The following DOCK1 variants were observed in gnomAD, a reference collection of about 807,000 sequenced individuals.
DOCK1 encodes the protein dedicator of cytokinesis 1.
DOCK1 carries 138 observed loss-of-function variants against 262.7 expected under a neutral mutation model. The ratio of observed to expected loss-of-function variants is 0.53; its 90% CI spans 0.46 to 0.61. The LOEUF (loss-of-function observed/expected upper bound fraction) is 0.61, where lower values mean the gene tolerates loss of function less well. DOCK1 is among the 20% of genes least tolerant of loss of function. The pLI, the probability that DOCK1 is intolerant of heterozygous loss-of-function variation, is 0.00. For missense variants in DOCK1, 1,908 were observed against 2,370.7 expected, an observed-to-expected ratio of 0.80 and a Z score of 4.05; for synonymous variants, 866 against 867.4, an observed-to-expected ratio of 1.00 and a Z score of 0.03.
At chr10:127,061,427 G>A (rs2045522374) in intron 22 of DOCK1, among the ~76,000 whole-genome samples, 1 of 152,132 alleles carries the variant, frequency 6.6e-6, no homozygotes, top group Admixed American at 6.5e-5. Flanking sequence ...ATGTTACAAT[G>A]AAAAATGCAG....
At chr10:127,065,109 A>G (rs1359470893) in intron 23 of DOCK1, among the ~76,000 whole-genome samples, 1 of 152,052 alleles carries the variant, frequency 6.6e-6, no homozygotes. Context: ...TTCCCGGTTC[A>G]AGTGATTCTC....
chr10:127,170,052 C>T (rs1178657967), intron 27 of DOCK1, among the ~76,000 whole-genome samples: 3 of 151,862 alleles, frequency 2.0e-5, no homozygotes, highest in African/African-American at 4.8e-5. Context: ...GGCCTCACAC[C>T]ACCAAGAAAC....
chr10:127,032,864 T>C (rs1329137642), intron 18 of DOCK1, among the ~76,000 whole-genome samples: 3 of 152,216 alleles, frequency 2.0e-5, no homozygotes, highest in Non-Finnish European at 4.4e-5. Context: ...GCTGTATTAC[T>C]CTTAAAGGGA....
chr10:127,361,215 G>A (rs904163339), intron 32 of DOCK1, among the ~76,000 whole-genome samples: 14 of 142,206 alleles, frequency 9.8e-5, no homozygotes, highest in East Asian at 2.2e-4. Context: ...CCAGGTTCAC[G>A]CCATTCTCCT....
chr10:127,322,765 G>A (rs540989907), intron 29 of DOCK1, among the ~76,000 whole-genome samples: 13 of 152,324 alleles, frequency 8.5e-5, no homozygotes, highest in Middle Eastern at 3.4e-3. Context: ...TGTTATAATA[G>A]CAGAGTCTAT....
At chr10:127,215,605 A>G (rs2489427) in intron 27 of DOCK1, among the ~76,000 whole-genome samples, 152,122 of 152,310 alleles carry the variant, frequency 1, 75,967 homozygotes, top group Non-Finnish European at 1. Context: ...AAATAGACAG[A>G]TTGGCTTTGA....
chr10:127,257,524 A>T (rs570834394), intron 29 of DOCK1, 95 bp downstream of exon 29: 2 of 1,127,026 alleles, frequency 1.8e-6, no homozygotes, highest in African/African-American at 3.1e-5. Flanking sequence ...GCTGGCTTCA[A>T]TAAAATGCTC....
At chr10:127,127,308 A>G (rs1352174784) in intron 26 of DOCK1, among the ~76,000 whole-genome samples, 1 of 152,230 alleles carries the variant, frequency 6.6e-6, no homozygotes, top group African/African-American at 2.4e-5. Flanking sequence ...ACCATCTAGG[A>G]CTGTTATCTG....
intron 1 of DOCK1, among the ~76,000 whole-genome samples, chr10:126,918,981 G>GGTGCAGATGGGCAC (rs1564982408): frequency 1.1e-4 from 12 of 106,926 alleles, no homozygotes; most frequent in East Asian, 4.1e-4. Flanking sequence ...GGAGAAAGCC[G>GGTGCAGATGGGCAC]AGAGGGAGTG....
At chr10:127,250,380 A>G (rs1305400053) in intron 28 of DOCK1, among the ~76,000 whole-genome samples, 1 of 152,244 alleles carries the variant, frequency 6.6e-6, no homozygotes, top group Non-Finnish European at 1.5e-5. Context: ...GTCTTTGCTC[A>G]CATCCCAGGA....
intron 29 of DOCK1, among the ~76,000 whole-genome samples, chr10:127,302,639 T>C (rs2061720779): frequency 6.6e-6 from 1 of 152,152 alleles, no homozygotes; most frequent in Admixed American, 6.5e-5. Flanking sequence ...GTTTCCTAAA[T>C]GTATTCTTCA....
Position 127,437,373 on chromosome 10 carries a change from A to G in DOCK1, c.5061-1654A>G, listed in dbSNP as rs1403778366. Among the ~76,000 whole-genome samples, 1 of 152,076 alleles carries G rather than the reference A, an allele frequency of 6.6e-6. No homozygotes were observed. The highest frequency in any genetic ancestry group is 1.5e-5 in the Non-Finnish European group (1 of 68,008). On this transcript the variant is annotated intron_variant, in intron 48 of 51. Coordinates refer to ENST00000623213, the MANE Select transcript of DOCK1 (RefSeq NM_001290223.2). The surrounding 1 kb of genome is among the most constrained non-coding windows in gnomAD (Gnocchi z 4.4). ...AGATTTAAGCGCAGTTTTGCAAATGATCCTTCCCTTCCTGGTTCATCTTAC... is the reference window on the plus strand; with the variant it reads ...AGATTTAAGCGCAGTTTTGCAAATGGTCCTTCCCTTCCTGGTTCATCTTAC...
At chr10:127,086,102 G>C (rs7895540) in intron 23 of DOCK1, among the ~76,000 whole-genome samples, 32,946 of 151,656 alleles carry the variant, frequency 0.22, 5,091 homozygotes, top group African/African-American at 0.44. Context: ...TTCGTGACTC[G>C]GTGCGGGGAT....
At chr10:127,338,337 A>G (rs1432847156) in intron 29 of DOCK1, among the ~76,000 whole-genome samples, 17 of 152,240 alleles carry the variant, frequency 1.1e-4, no homozygotes. Context: ...CCCAAATTGT[A>G]TATTTCATTA....
At chr10:127,007,885 G>A (rs1459096032) in intron 10 of DOCK1, among the ~76,000 whole-genome samples, 1 of 152,108 alleles carries the variant, frequency 6.6e-6, no homozygotes, top group East Asian at 1.9e-4. Flanking sequence ...GTGTCCTCTT[G>A]AAAGAGCGTC....
chr10:127,248,837 A>G (rs2059520880), intron 28 of DOCK1, among the ~76,000 whole-genome samples: 1 of 152,198 alleles, frequency 6.6e-6, no homozygotes, highest in African/African-American at 2.4e-5. Flanking sequence ...GTGGTGGGCA[A>G]GGGAGCATTA....
chr10:126,917,950 A>G (rs1483618487), intron 1 of DOCK1, among the ~76,000 whole-genome samples: 3 of 152,156 alleles, frequency 2.0e-5, no homozygotes, highest in Non-Finnish European at 4.4e-5. Context: ...AACTCTGGGT[A>G]TGAGTTCTTG....
chr10:127,268,182 A>G (rs2060434227), intron 29 of DOCK1, among the ~76,000 whole-genome samples: 1 of 152,172 alleles, frequency 6.6e-6, no homozygotes, highest in South Asian at 2.1e-4. Flanking sequence ...GATAGATGAA[A>G]AAACAGAGTC....
chr10:127,173,742 C>G (rs60003941), intron 27 of DOCK1, among the ~76,000 whole-genome samples: 2 of 152,166 alleles, frequency 1.3e-5, no homozygotes, highest in Non-Finnish European at 2.9e-5. Flanking sequence ...TGGTCTCCCC[C>G]ACCCCACGCC....
Sources: gnomAD v4.1 joint callset for allele counts (sites outside exome capture counted in the v4.1 genomes callset) on GRCh38, gnomAD v4.1.1 for gene constraint, Gnocchi (gnomAD v3.1) non-coding constraint, MANE v1.5 for transcripts, NCBI Gene and HGNC (gene_info 2026-07-23, HGNC 2026-07-21) for gene names.